Variants in SPATA13 observed in about 807,000 individuals in gnomAD.
SPATA13 encodes the protein spermatogenesis-associated protein 13.
Under a neutral mutation model 104.0 loss-of-function variants are expected in SPATA13, and 50 were observed. That is an observed-to-expected ratio of 0.48 (90% CI 0.38 to 0.61). The LOEUF (loss-of-function observed/expected upper bound fraction) is 0.61, where lower values mean the gene tolerates loss of function less well. SPATA13 is among the 20% of genes least tolerant of loss of function. SPATA13 has a pLI of 0.00. For synonymous variants in SPATA13, 606 were observed against 667.5 expected (o/e 0.91, Z 1.42); for missense variants, 1,524 against 1,690.6 (o/e 0.90, Z 1.73).
intron 3 of SPATA13, among the ~76,000 whole-genome samples, chr13:24,058,056 T>C (rs962717934): frequency 1.3e-5 from 2 of 151,810 alleles, no homozygotes; most frequent in Non-Finnish European, 2.9e-5. Flanking sequence ...CAAGATGAGC[T>C]CCCATCTGGC....
intron 3 of SPATA13, chr13:24,033,844 A>C (rs1487236487): frequency 6.6e-6 from 1 of 152,254 alleles, no homozygotes; most frequent in Non-Finnish European, 1.5e-5. Flanking sequence ...GGAAATCAGG[A>C]GACTGGAGCA....
Position 24,274,058 on chromosome 13 carries a change from C to T in SPATA13, c.2165-10077C>T, listed in dbSNP as rs562639288. On this transcript the variant is annotated intron_variant, in intron 4 of 12. Transcript: ENST00000382108. The stretch of plus-strand genomic sequence containing the variant: ...TTTTGGGTGGGAAAGTTGCTCCAGG[C>T]GGAGAGGTCAGCGTGGACGGATGGA... Among the ~76,000 whole-genome samples the T allele has an allele frequency of 1.6e-4, 24 of 152,212 alleles. No individual in the cohort carries two copies. In the East Asian group the frequency reaches 3.1e-3, roughly 20 times the overall value.
intron 12 of SPATA13, among the ~76,000 whole-genome samples, chr13:24,302,232 GA>G (rs2138781312): frequency 6.6e-6 from 1 of 152,192 alleles, no homozygotes; most frequent in South Asian, 2.1e-4. Context: ...CGGAGTACCT[GA>G]ACATAACAAG....
At chr13:24,245,445 G>A (rs1873066981) in intron 2 of SPATA13, among the ~76,000 whole-genome samples, 1 of 152,048 alleles carries the variant, frequency 6.6e-6, no homozygotes, top group Non-Finnish European at 1.5e-5. Flanking sequence ...GAGTAAAATG[G>A]ACATTTCAAT....
chr13:24,141,207 A>G (rs1366597741), intron 3 of SPATA13, among the ~76,000 whole-genome samples: 10 of 151,832 alleles, frequency 6.6e-5, no homozygotes, highest in Admixed American at 5.9e-4. Flanking sequence ...TAGGTTCTAC[A>G]TGGTGGTTCA....
At chr13:24,206,587 A>C (rs939944126) in intron 1 of SPATA13, among the ~76,000 whole-genome samples, 1 of 152,144 alleles carries the variant, frequency 6.6e-6, no homozygotes, top group African/African-American at 2.4e-5. Context: ...AATATAAATC[A>C]TTCTATTATA....
chr13:24,083,053 T>C (rs1227278118), intron 3 of SPATA13, among the ~76,000 whole-genome samples: 1 of 152,210 alleles, frequency 6.6e-6, no homozygotes, highest in African/African-American at 2.4e-5. Context: ...CTAGAAATGA[T>C]AGCCTACAGT....
At chr13:24,122,784 C>T (rs530898059) in intron 3 of SPATA13, 16 of 786,170 alleles carry the variant, frequency 2.0e-5, no homozygotes, top group Non-Finnish European at 3.3e-5. Flanking sequence ...AAGTAGCTGC[C>T]ACATCTGTGG....
At chr13:24,212,427 T>C (rs750683820) in intron 1 of SPATA13, among the ~76,000 whole-genome samples, 2 of 152,240 alleles carry the variant, frequency 1.3e-5, no homozygotes, top group Non-Finnish European at 2.9e-5. Context: ...CTGCGTTCCT[T>C]GCTTCATGTG....
intron 2 of SPATA13, among the ~76,000 whole-genome samples, chr13:24,238,296 A>G (rs905405147): frequency 6.6e-6 from 1 of 151,942 alleles, no homozygotes; most frequent in African/African-American, 2.4e-5. Flanking sequence ...AGCTGGGATT[A>G]CAAGTGTGCA....
At chr13:24,079,590 CA>C (rs541949375) in intron 3 of SPATA13, among the ~76,000 whole-genome samples, 42 of 152,252 alleles carry the variant, frequency 2.8e-4, no homozygotes, top group African/African-American at 9.6e-4. Flanking sequence ...GCTAGTAATA[CA>C]GGGGGGTCCT....
In SPATA13 at chr13:24,302,377, G is replaced by T. The variant is rs1248922698; in HGVS notation, c.3659-221G>T. Among the ~76,000 whole-genome samples the T allele has an allele frequency of 3.4e-5, 5 of 147,248 alleles. No individual in the cohort carries two copies. The Admixed American group carries it at 3.5e-4, about 10-fold the overall frequency. ...CTTAGGAGGCTGAGGTGGGAGGATC[G>T]CTTGAGCCTGGGAGGTAGAGATTGC... is the stretch of plus-strand genomic sequence containing the variant. On this transcript the variant is annotated intron_variant, in intron 12 of 12. Transcript: ENST00000382108.
At chr13:24,022,052 T>C (rs540914502) in intron 3 of SPATA13, among the ~76,000 whole-genome samples, 1 of 133,398 alleles carries the variant, frequency 7.5e-6, no homozygotes, top group South Asian at 2.3e-4. Flanking sequence ...CTTTTCTTTC[T>C]TTTTTTTTTT....
chr13:24,183,369 A>G (rs1476040265), intron 1 of SPATA13, among the ~76,000 whole-genome samples: 1 of 152,226 alleles, frequency 6.6e-6, no homozygotes, highest in African/African-American at 2.4e-5. Context: ...AGAACTAGAA[A>G]CATTTAACAA....
chr13:24,019,158 G>C (rs1316561277), intron 3 of SPATA13, among the ~76,000 whole-genome samples: 2 of 147,834 alleles, frequency 1.4e-5, no homozygotes, highest in African/African-American at 2.5e-5. Flanking sequence ...GCGGGATCTC[G>C]GCTCACTGTA....
At chr13:24,264,057 A>C (rs79194665) in intron 4 of SPATA13, among the ~76,000 whole-genome samples, 2 of 152,204 alleles carry the variant, frequency 1.3e-5, no homozygotes, top group Non-Finnish European at 2.9e-5. Context: ...CTGTTGTTTC[A>C]TGCCTCATTG....
upstream of SPATA13, among the ~76,000 whole-genome samples, chr13:24,158,315 T>C (rs562417607): frequency 4.6e-5 from 7 of 152,234 alleles, no homozygotes; most frequent in African/African-American, 1.7e-4. Flanking sequence ...GGCGGCCATG[T>C]GGATAGAGAG....
chr13:24,245,040 C>G (rs1437445813), intron 2 of SPATA13, among the ~76,000 whole-genome samples: 1 of 152,064 alleles, frequency 6.6e-6, no homozygotes, highest in Non-Finnish European at 1.5e-5. Context: ...GAGGGCAGGT[C>G]TCTATGATGG....
chr13:24,062,069 G>A (rs945586397), intron 3 of SPATA13, among the ~76,000 whole-genome samples: 10 of 152,124 alleles, frequency 6.6e-5, no homozygotes, highest in East Asian at 3.9e-4. Flanking sequence ...CGATGGAAGC[G>A]TCACTGGATG....
Sources: allele counts gnomAD v4.1 joint callset (sites outside exome capture counted in the v4.1 genomes callset), GRCh38; gene constraint gnomAD v4.1.1; transcripts MANE v1.5; gene names NCBI Gene and HGNC (gene_info 2026-07-23, HGNC 2026-07-21).